The following SPHKAP variants were observed in gnomAD, a reference collection of about 807,000 sequenced individuals.
The protein encoded by SPHKAP is SPHK1 interactor, AKAP domain containing, also known as A-kinase anchor protein SPHKAP.
SPHKAP carries 67 observed loss-of-function variants against 137.5 expected under a neutral mutation model. The observed-to-expected ratio is 0.49, with a 90% CI of 0.40 to 0.60. The LOEUF (loss-of-function observed/expected upper bound fraction) is 0.60. Among genes scored for constraint, SPHKAP ranks in the 20% least tolerant of loss-of-function variants. SPHKAP has a pLI of 0.00. For missense variants in SPHKAP, 2,097 were observed against 2,069.3 expected, an observed-to-expected ratio of 1.01 and a Z score of -0.26; for synonymous variants, 813 against 785.3, an observed-to-expected ratio of 1.04 and a Z score of -0.59.
At position 228,017,574 on chromosome 2, in the gene SPHKAP, T is replaced by C. The variant is rs181336336; in HGVS notation, c.3280A>G (p.Arg1094Gly). The change falls in exon 7 of 12, where the codon AGG becomes GGG. Residue 1094 changes from arginine to glycine, a missense_variant. Transcript: ENST00000392056. ...ESIPEEDSEA[R>G]AYVNSLGLMS... ...AAGCCCAGGCTGTTGACATAGGCCC[T>C]GGCCTCGGAGTCTTCCTCAGGAATG... 1.1e-5 allele frequency: 18 copies of C among 1,613,814 alleles called. No individual in the cohort carries two copies. The Admixed American group carries it at 2.0e-4, about 18-fold the overall frequency.
intron 1 of SPHKAP, among the ~76,000 whole-genome samples, chr2:228,170,952 A>G (rs1229199687): frequency 6.6e-6 from 1 of 152,140 alleles, no homozygotes; most frequent in Non-Finnish European, 1.5e-5. Flanking sequence ...AGAGGTCAAT[A>G]TCATGGTTAA....
chr2:228,176,888 AAAAACAAAATACAAAACAAC>A (rs1700758782), intron 1 of SPHKAP, among the ~76,000 whole-genome samples: 1 of 152,204 alleles, frequency 6.6e-6, no homozygotes, highest in African/African-American at 2.4e-5. Context: ...AAACAAAAAC[AAAAACAAAATACAAAACAAC>A]AAAACAAAAA....
chr2:228,079,474 G>C (rs78951766), intron 3 of SPHKAP, among the ~76,000 whole-genome samples: 1,536 of 152,338 alleles, frequency 0.01, 42 homozygotes, highest in African/African-American at 0.035. Flanking sequence ...ACCCCATGGA[G>C]TGAGGTTCCA....
intron 6 of SPHKAP, among the ~76,000 whole-genome samples, chr2:228,020,442 A>G (rs1197996689): frequency 6.6e-6 from 1 of 152,218 alleles, no homozygotes; most frequent in Non-Finnish European, 1.5e-5. Flanking sequence ...GCCGGAAACC[A>G]TTATTCTGAG....
intron 3 of SPHKAP, among the ~76,000 whole-genome samples, chr2:228,073,049 C>T (rs1697053021): frequency 6.6e-6 from 1 of 152,186 alleles, no homozygotes; most frequent in Non-Finnish European, 1.5e-5. Flanking sequence ...ATTTGTTGTT[C>T]AGCCATACTA....
chr2:228,058,147 A>C (rs138695969), intron 3 of SPHKAP, among the ~76,000 whole-genome samples: 22 of 152,292 alleles, frequency 1.4e-4, no homozygotes, highest in Admixed American at 1.4e-3. Flanking sequence ...GACCAGAAAC[A>C]AAAGCCTCCA....
chr2:228,110,324 TATA>T (rs1049543276), intron 2 of SPHKAP, among the ~76,000 whole-genome samples: 48 of 152,066 alleles, frequency 3.2e-4, no homozygotes, highest in African/African-American at 9.4e-4. Flanking sequence ...TGTTATCATT[TATA>T]ATAATATAAA....
intron 3 of SPHKAP, among the ~76,000 whole-genome samples, chr2:228,067,703 G>A (rs1305589185): frequency 6.6e-6 from 1 of 152,202 alleles, no homozygotes; most frequent in East Asian, 1.9e-4. Flanking sequence ...TCTGCTGCTA[G>A]AAGAAAAAAT....
chr2:227,982,367 T>C (rs1693033263), intron 11 of SPHKAP: 1 of 985,240 alleles, frequency 1.0e-6, no homozygotes, highest in African/African-American at 1.7e-5. Flanking sequence ...CCCTCCAGGC[T>C]AAAATCAAGG....
chr2:228,048,501 TAC>T (rs1696145677), intron 3 of SPHKAP, among the ~76,000 whole-genome samples: 1 of 152,192 alleles, frequency 6.6e-6, no homozygotes, highest in African/African-American at 2.4e-5. Context: ...TTTGCTGAAG[TAC>T]AGTCATACAC....
At chr2:228,091,372 C>G (rs1269527461) in intron 3 of SPHKAP, among the ~76,000 whole-genome samples, 1 of 152,130 alleles carries the variant, frequency 6.6e-6, no homozygotes, top group African/African-American at 2.4e-5. Flanking sequence ...GACCTCATGA[C>G]CAACAACCCA....
At chr2:228,132,176 A>G (rs1271349243) in intron 1 of SPHKAP, 91 bp from the exon 2 acceptor site, 1 of 1,104,678 alleles carries the variant, frequency 9.1e-7, no homozygotes, top group Admixed American at 1.8e-5. Context: ...ATGGTGTATC[A>G]AAAATCATCT....
At chr2:228,053,105 A>C (rs10179257) in intron 3 of SPHKAP, among the ~76,000 whole-genome samples, 58,277 of 151,962 alleles carry the variant, frequency 0.38, 11,636 homozygotes, top group South Asian at 0.51. Context: ...TCTCTTTCTG[A>C]CTCGTAGACA....
intron 2 of SPHKAP, among the ~76,000 whole-genome samples, chr2:228,118,238 C>T (rs908253441): frequency 3.6e-5 from 4 of 112,280 alleles, no homozygotes; most frequent in African/African-American, 1.3e-4. Flanking sequence ...TGGAGATACA[C>T]AGTTTTTTTT....
chr2:228,134,309 A>T (rs1294569036), intron 1 of SPHKAP, among the ~76,000 whole-genome samples: 1 of 152,090 alleles, frequency 6.6e-6, no homozygotes, highest in African/African-American at 2.4e-5. Context: ...AGGAAAAAGA[A>T]ATTAGCTCCA....
In SPHKAP at chr2:228,076,250, A is replaced by C. The variant is rs183891685; in HGVS notation, c.246+32582T>G. Among the ~76,000 whole-genome samples, 245 of 152,366 alleles carry C rather than the reference A, an allele frequency of 1.6e-3. 2 individuals carry two copies. Among genetic ancestry groups the C allele is most frequent in the Admixed American group, 4.1e-3 (63 of 15,306 alleles). ...CAGTCTCAGGTGTGTCTTTATCAGC[A>C]GTATGAATACGGACTAATACAGTAA... is the stretch of plus-strand genomic sequence containing the variant. On this transcript the variant is annotated intron_variant, in intron 3 of 11. Transcript: ENST00000392056.
At chr2:228,050,532 G>A (rs541395506) in intron 3 of SPHKAP, among the ~76,000 whole-genome samples, 1 of 152,292 alleles carries the variant, frequency 6.6e-6, no homozygotes, top group South Asian at 2.1e-4. Context: ...CATATTAGAT[G>A]TACCTGTGTT....
At chr2:228,147,471 T>C (rs763980031) in intron 1 of SPHKAP, among the ~76,000 whole-genome samples, 1 of 152,224 alleles carries the variant, frequency 6.6e-6, no homozygotes, top group African/African-American at 2.4e-5. Context: ...TAAATACATA[T>C]GCCACCTGAG....
chr2:228,052,932 T>C (rs1696309786), intron 3 of SPHKAP, among the ~76,000 whole-genome samples: 1 of 152,172 alleles, frequency 6.6e-6, no homozygotes, highest in African/African-American at 2.4e-5. Flanking sequence ...CTTAGAAGAC[T>C]TCTTACTATA....
Sources: gnomAD v4.1 joint callset for allele counts (sites outside exome capture counted in the v4.1 genomes callset) on GRCh38, gnomAD v4.1.1 for gene constraint, MANE v1.5 for transcripts, NCBI Gene and HGNC (gene_info 2026-07-23, HGNC 2026-07-21) for gene names.